The following SEL1L3 variants were observed in gnomAD, a reference collection of about 807,000 sequenced individuals.
SEL1L3 encodes the protein protein sel-1 homolog 3.
In SEL1L3, 76 loss-of-function variants were observed where a neutral mutation model predicts 142.8. The ratio of observed to expected loss-of-function variants is 0.53; its 90% CI spans 0.44 to 0.64. The LOEUF (loss-of-function observed/expected upper bound fraction) is 0.64. SEL1L3 is among the 30% of genes least tolerant of loss of function. The pLI is 0.00. For missense variants in SEL1L3, 1,262 were observed against 1,381.7 expected (o/e 0.91, Z 1.37); for synonymous variants, 504 against 519.6 (o/e 0.97, Z 0.41).
intron 10 of SEL1L3, among the ~76,000 whole-genome samples, chr4:25,803,638 G>A (rs28691049): frequency 0.075 from 11,471 of 152,168 alleles, 1,481 homozygotes; most frequent in African/African-American, 0.26. Context: ...CTACACAGAC[G>A]GCCTTCTCCA....
chr4:25,781,810 A>C (rs1005516335), intron 15 of SEL1L3, among the ~76,000 whole-genome samples: 19 of 152,324 alleles, frequency 1.2e-4, no homozygotes, highest in African/African-American at 4.3e-4. Flanking sequence ...CTTAATCAAC[A>C]CTAAAGATTG....
the SEL1L3 span, chr4:25,719,823 C>T: frequency 6.6e-6 from 1 of 152,136 alleles, no homozygotes; most frequent in Non-Finnish European, 1.5e-5. Flanking sequence ...CCCACGGCAG[C>T]TTCGCAGACA....
intron 11 of SEL1L3, among the ~76,000 whole-genome samples, chr4:25,793,761 A>C (rs2109199685): frequency 6.6e-6 from 1 of 152,272 alleles, no homozygotes; most frequent in African/African-American, 2.4e-5. Context: ...AAAGGCACCA[A>C]CCTATGAGCC....
chr4:25,715,009 A>G, the SEL1L3 span, among the ~76,000 whole-genome samples: 1 of 152,238 alleles, frequency 6.6e-6, no homozygotes, highest in South Asian at 2.1e-4. Context: ...TATGCATGGG[A>G]ACAACCACTA....
Position 25,804,683 on chromosome 4 carries a change from A to C in SEL1L3, c.1634T>G (p.Leu545Arg). Reference sequence around the variant, plus strand: ...TTGGTGAAGACCATCAATGCTAGAGAGTCTCTTTACAGCCTTCTCAAATAT... The same window carrying C: ...TTGGTGAAGACCATCAATGCTAGAGCGTCTCTTTACAGCCTTCTCAAATAT... ...GKIFEKAVKR[L>R]SSIDGLHQIS... The change falls in exon 10 of 24, where the codon CTC (leucine) becomes CGC (arginine). Residue 545 changes from leucine (L) to arginine (R), a missense_variant. Leu to Arg is a moderately radical substitution (Grantham distance 102, BLOSUM62 -2). Around this residue, in one of 3 missense-constraint regions of SEL1L3, gnomAD observed 689 missense variants for 692.8 expected, o/e 0.99. Transcript: ENST00000399878. 1 of 1,613,736 alleles carries C rather than the reference A, an allele frequency of 6.2e-7. No individual in the cohort carries two copies. The highest frequency in any genetic ancestry group is 8.5e-7 in the Non-Finnish European group (1 of 1,179,642).
chr4:25,856,189 C>T (rs1210422340), intron 1 of SEL1L3, among the ~76,000 whole-genome samples: 2 of 152,224 alleles, frequency 1.3e-5, no homozygotes, highest in Non-Finnish European at 2.9e-5. Flanking sequence ...CCTCGACCCT[C>T]TGCTGAATTC....
At chr4:25,774,871 G>A (rs1327287960) in intron 17 of SEL1L3, among the ~76,000 whole-genome samples, 1 of 152,056 alleles carries the variant, frequency 6.6e-6, no homozygotes, top group East Asian at 1.9e-4. Context: ...AACAAAAGTA[G>A]GCAAGAAAGC....
chr4:25,732,641 C>A, the SEL1L3 span, among the ~76,000 whole-genome samples: 1 of 152,038 alleles, frequency 6.6e-6, no homozygotes, highest in Non-Finnish European at 1.5e-5. Flanking sequence ...TGGTGAAGAG[C>A]CTGTTCAGTT....
intron 14 of SEL1L3, among the ~76,000 whole-genome samples, chr4:25,783,495 G>C (rs991932489): frequency 6.6e-6 from 1 of 152,244 alleles, no homozygotes; most frequent in South Asian, 2.1e-4. Context: ...TGCCAAAAGG[G>C]CTACAAGGTG....
downstream of SEL1L3, among the ~76,000 whole-genome samples, chr4:25,745,732 A>G (rs1717241694): frequency 6.6e-6 from 1 of 152,230 alleles, no homozygotes; most frequent in Non-Finnish European, 1.5e-5. Context: ...TCAAATGTCC[A>G]TAGTGCTGAG....
intron 16 of SEL1L3, among the ~76,000 whole-genome samples, chr4:25,778,461 T>C (rs1719785554): frequency 1.3e-5 from 2 of 152,052 alleles, no homozygotes; most frequent in Non-Finnish European, 2.9e-5. Context: ...AAAAAATAAG[T>C]AGCAATCCAT....
At chr4:25,837,796 G>T (rs1031700411) in intron 2 of SEL1L3, among the ~76,000 whole-genome samples, 2 of 152,012 alleles carry the variant, frequency 1.3e-5, no homozygotes, top group Non-Finnish European at 2.9e-5. Context: ...TTATTTATCA[G>T]GATAACATAT....
Position 25,748,371 on chromosome 4 carries a change from A to G in SEL1L3, c.*54T>C. 6.5e-7 allele frequency: 1 copy of G among 1,539,096 alleles called. No homozygotes were observed. The highest frequency in any genetic ancestry group is 8.8e-7 in the Non-Finnish European group (1 of 1,134,864). ...ATCATGCCCTGGCCCCAGCTTCCCA[A>G]TACCAGCTGTTGAAAAGATTCTCTC... On this transcript the variant is annotated 3_prime_UTR_variant, in exon 24 of 24. Coordinates refer to ENST00000399878, the MANE Select transcript of SEL1L3 (RefSeq NM_015187.5).
intron 1 of SEL1L3, among the ~76,000 whole-genome samples, chr4:25,853,902 C>G (rs1011458433): frequency 6.6e-6 from 1 of 152,096 alleles, no homozygotes; most frequent in East Asian, 1.9e-4. Flanking sequence ...GAACTCCTGA[C>G]CTCAGGTGAT....
At position 25,800,358 on chromosome 4, in the gene SEL1L3, A is replaced by G. The variant is rs552015682; in HGVS notation, c.1956+1925T>C. Among the ~76,000 whole-genome samples the G allele has an allele frequency of 5.3e-4, 81 of 152,374 alleles. No individual in the cohort carries two copies. The South Asian group carries it at 0.015, about 28-fold the overall frequency. ...GCTATGACACAACTCTTCTAACTGT[A>G]TAATTCCTATCTGTGATTCTTAATC... is the stretch of plus-strand genomic sequence containing the variant. On this transcript the variant is annotated intron_variant, in intron 11 of 23. Transcript: ENST00000399878.
At chr4:25,777,325 T>C (rs6846408) in intron 16 of SEL1L3, among the ~76,000 whole-genome samples, 31,953 of 152,014 alleles carry the variant, frequency 0.21, 3,543 homozygotes, top group Middle Eastern at 0.28. Context: ...ATAGCATAGA[T>C]TCAAGATATA....
chr4:25,823,962 G>A (rs1299997043), intron 6 of SEL1L3, among the ~76,000 whole-genome samples: 1 of 152,154 alleles, frequency 6.6e-6, no homozygotes, highest in African/African-American at 2.4e-5. Flanking sequence ...AAAGCACACA[G>A]CCTGGCAGCA....
the SEL1L3 span, among the ~76,000 whole-genome samples, chr4:25,723,595 T>C: frequency 2.6e-5 from 4 of 152,258 alleles, no homozygotes; most frequent in South Asian, 4.2e-4. Flanking sequence ...GAGAATGCAA[T>C]TGTGGTCATG....
chr4:25,825,777 C>T (rs1039180657), intron 6 of SEL1L3, among the ~76,000 whole-genome samples: 32 of 145,138 alleles, frequency 2.2e-4, no homozygotes, highest in African/African-American at 6.9e-4. Context: ...TGGGTTCAAG[C>T]GATTCTCCTG....
Sources: gnomAD v4.1 joint callset for allele counts (sites outside exome capture counted in the v4.1 genomes callset) on GRCh38, gnomAD v4.1.1 for gene constraint, gnomAD v4.1.1 regional missense constraint, MANE v1.5 for transcripts, NCBI Gene and HGNC (gene_info 2026-07-23, HGNC 2026-07-21) for gene names.